Variants in CTTNBP2 observed in about 807,000 individuals in gnomAD.
The protein encoded by CTTNBP2 is cortactin-binding protein 2.
CTTNBP2 carries 108 observed loss-of-function variants against 156.9 expected under a neutral mutation model. The ratio of observed to expected loss-of-function variants is 0.69; its 90% confidence interval spans 0.59 to 0.81. CTTNBP2 has a LOEUF of 0.81. Among genes scored for constraint, CTTNBP2 ranks in the 30% least tolerant of loss-of-function variants. The pLI, the probability that CTTNBP2 is intolerant of heterozygous loss-of-function variation, is 0.00. For synonymous variants in CTTNBP2, 767 were observed against 751.8 expected (o/e 1.02, Z -0.33); for missense variants, 1,924 against 2,035.4 (o/e 0.95, Z 1.05).
intron 3 of CTTNBP2, among the ~76,000 whole-genome samples, chr7:117,800,444 T>C (rs1799548722): frequency 6.6e-6 from 1 of 152,088 alleles, no homozygotes; most frequent in Non-Finnish European, 1.5e-5. Flanking sequence ...ATTACCCACA[T>C]GTATGCATTT....
intron 3 of CTTNBP2, among the ~76,000 whole-genome samples, chr7:117,801,968 A>G (rs1317047438): frequency 6.6e-6 from 1 of 151,750 alleles, no homozygotes. Context: ...CAGGTTAGTT[A>G]CATATGTATA....
At chr7:117,749,412 T>C (rs1228602446) in intron 12 of CTTNBP2, among the ~76,000 whole-genome samples, 1 of 152,146 alleles carries the variant, frequency 6.6e-6, no homozygotes, top group Non-Finnish European at 1.5e-5. Flanking sequence ...GAACTCCTAC[T>C]GTCCAACACA....
In CTTNBP2 at chr7:117,735,075, G is replaced by C. The variant is rs1795608282; in HGVS notation, c.3714C>G (p.Tyr1238Ter). ...QKGNGLSECY[Y>*]FHENCFLMGT... is the part of the protein sequence containing the mutation. ...CCATCAGAAAGCAGTTCTCATGAAA[G>C]TAATAACATTCGGACAGTCCATTTC... The change falls in exon 16 of 23, where the codon TAC becomes TAG. Residue 1238 changes from tyrosine (Y) to a stop codon, truncating the protein, a stop_gained. Coordinates refer to ENST00000160373, the MANE Select transcript of CTTNBP2 (RefSeq NM_033427.3). LOFTEE classifies it high-confidence loss of function. 1.2e-6 allele frequency: 2 copies of C among 1,613,836 alleles called. No homozygotes were observed. The highest frequency in any genetic ancestry group is 2.2e-5 in the East Asian group (1 of 44,888).
At chr7:117,747,339 A>G (rs1584938246) in intron 12 of CTTNBP2, among the ~76,000 whole-genome samples, 1 of 152,064 alleles carries the variant, frequency 6.6e-6, no homozygotes, top group South Asian at 2.1e-4. Flanking sequence ...GGTAGCTGGG[A>G]TGGACTTCTG....
At chr7:117,809,006 C>T (rs955279900) in intron 3 of CTTNBP2, among the ~76,000 whole-genome samples, 1 of 152,088 alleles carries the variant, frequency 6.6e-6, no homozygotes, top group African/African-American at 2.4e-5. Context: ...TTCACTGAGA[C>T]GACACAGCCA....
Position 117,780,426 on chromosome 7 carries a change from C to A in CTTNBP2, c.2523+15G>T. On this transcript the variant is annotated intron_variant, in intron 7 of 22. Transcript: ENST00000160373. ...AATTATATATACAGGGGGAAAAAAA[C>A]AGACTGCTACTCACTGTGGTTTTTA... The A allele has an allele frequency of 6.7e-7, 1 of 1,486,826 alleles. No individual in the cohort carries two copies. The highest frequency in any genetic ancestry group is 2.5e-5 in the Admixed American group (1 of 40,166). 92.1% of individuals were successfully genotyped at this position (1,486,826 alleles called of 1,614,324 possible).
At position 117,775,153 on chromosome 7, in the gene CTTNBP2, G is replaced by A. The variant is rs781295664; in HGVS notation, c.2778+2358C>T. On this transcript the variant is annotated intron_variant, in intron 8 of 22. Coordinates refer to ENST00000160373, the MANE Select transcript of CTTNBP2 (RefSeq NM_033427.3). ...AATGTCTTAATCATAAAATGGAGAGGTTAGACTAGAAGATTAAATGTCCAC... is the reference window on the plus strand; with the variant it reads ...AATGTCTTAATCATAAAATGGAGAGATTAGACTAGAAGATTAAATGTCCAC... Among the ~76,000 whole-genome samples the A allele has an allele frequency of 2.8e-4, 42 of 152,052 alleles. 1 individual carries two copies. The highest frequency in any genetic ancestry group is 5.3e-4 in the Non-Finnish European group (36 of 68,026).
chr7:117,829,509 C>T (rs899062616), intron 2 of CTTNBP2, among the ~76,000 whole-genome samples: 5 of 152,178 alleles, frequency 3.3e-5, no homozygotes, highest in African/African-American at 1.2e-4. Flanking sequence ...TTTTCACCTG[C>T]ACACCTTTTC....
Position 117,792,000 on chromosome 7 carries a change from G to T in CTTNBP2, c.1196C>A (p.Pro399His). Residue 399 changes from proline (P) to histidine (H), a missense_variant, in exon 4 of 23, where the codon CCC (proline) becomes CAC (histidine). Pro to His is a moderately conservative substitution (Grantham distance 77). Coordinates refer to ENST00000160373, the MANE Select transcript of CTTNBP2 (RefSeq NM_033427.3). ...AGGGGCAGCGTTACTGGGAAGTGGG[G>T]GTGTGCTACTGGTTGGATCTGGTGT... ...GSTPDPTSST[P>H]PLPSNAAPPT... 2 of 1,614,032 alleles carry T rather than the reference G, an allele frequency of 1.2e-6. No homozygotes were observed. Among genetic ancestry groups the T allele is most frequent in the Non-Finnish European group, 1.7e-6 (2 of 1,180,016 alleles).
chr7:117,779,706 A>G (rs1349950721), intron 7 of CTTNBP2, among the ~76,000 whole-genome samples: 1 of 151,376 alleles, frequency 6.6e-6, no homozygotes, highest in African/African-American at 2.4e-5. Context: ...AAAAATGTTT[A>G]TATCTAGCTT....
chr7:117,819,434 A>C (rs2117017247), intron 2 of CTTNBP2, among the ~76,000 whole-genome samples: 1 of 151,830 alleles, frequency 6.6e-6, no homozygotes, highest in East Asian at 1.9e-4. Flanking sequence ...GGGTGACTGC[A>C]GAGTGGAATA....
At chr7:117,873,081 G>A (rs1467855165) in intron 1 of CTTNBP2, among the ~76,000 whole-genome samples, 2 of 152,198 alleles carry the variant, frequency 1.3e-5, no homozygotes, top group East Asian at 1.9e-4. Flanking sequence ...GGGAGAACCG[G>A]GCGACCCGGG....
At chr7:117,775,592 T>C (rs1798051788) in intron 8 of CTTNBP2, among the ~76,000 whole-genome samples, 1 of 150,706 alleles carries the variant, frequency 6.6e-6, no homozygotes, top group East Asian at 1.9e-4. Context: ...TCCTTTTTTT[T>C]TTTTGCCTCT....
Position 117,792,557 on chromosome 7 carries a change from G to T in CTTNBP2, c.639C>A (p.Leu213=), listed in dbSNP as rs376046987. The part of the protein sequence containing the change: ...KKKTNELEEE[L]SAEKRRSTEM... ...CTGTGCTTCTTCGTTTCTCAGCGGA[G>T]AGTTCCTCTTCTAATTCATTCGTCT... Residue 213 remains leucine, a synonymous_variant, in exon 4 of 23, where the codon CTC becomes CTA. Transcript: ENST00000160373. The surrounding 1 kb of genome is among the most constrained non-coding windows in gnomAD (Gnocchi z 4.2). 24 of 1,614,070 alleles carry T rather than the reference G, an allele frequency of 1.5e-5. No homozygotes were observed. The highest frequency in any genetic ancestry group is 1.9e-5 in the Non-Finnish European group (23 of 1,180,046).
chr7:117,714,687 T>TG (rs1156913783), intron 22 of CTTNBP2, among the ~76,000 whole-genome samples: 2 of 152,180 alleles, frequency 1.3e-5, no homozygotes, highest in African/African-American at 2.4e-5. Context: ...ACATGTAGTT[T>TG]GGTCAGTCCC....
chr7:117,729,696 A>T (rs1795298897), intron 16 of CTTNBP2, among the ~76,000 whole-genome samples: 1 of 152,042 alleles, frequency 6.6e-6, no homozygotes, highest in South Asian at 2.1e-4. Context: ...GAATTTTACC[A>T]GCTGGAAAAA....
chr7:117,812,394 GT>G (rs1430195230), intron 2 of CTTNBP2, among the ~76,000 whole-genome samples: 11 of 151,908 alleles, frequency 7.2e-5, no homozygotes, highest in African/African-American at 2.2e-4. Context: ...AATGCATACA[GT>G]TCCATACTTT....
At chr7:117,870,976 CTAAA>C (rs1157932794) in intron 1 of CTTNBP2, among the ~76,000 whole-genome samples, 6 of 152,180 alleles carry the variant, frequency 3.9e-5, no homozygotes, top group African/African-American at 9.7e-5. Flanking sequence ...AAGCAACAAT[CTAAA>C]TAGTCAAAGC....
intron 2 of CTTNBP2, among the ~76,000 whole-genome samples, chr7:117,837,084 A>G (rs981035): frequency 0.3 from 45,620 of 152,110 alleles, 7,228 homozygotes; most frequent in African/African-American, 0.35. Context: ...CAGGATTGAG[A>G]GACAAGGAGC....
Sources: gnomAD v4.1 joint callset for allele counts (sites outside exome capture counted in the v4.1 genomes callset) on GRCh38, gnomAD v4.1.1 for gene constraint, Gnocchi (gnomAD v3.1) non-coding constraint, MANE v1.5 for transcripts, NCBI Gene and HGNC (gene_info 2026-07-23, HGNC 2026-07-21) for gene names.